Variants in SLC38A6 observed in about 807,000 individuals in gnomAD.
SLC38A6 encodes N system amino acid transporter NAT-1.
Under a neutral mutation model 65.0 loss-of-function variants are expected in SLC38A6, and 73 were observed. That is an observed-to-expected ratio of 1.12 (90% confidence interval 0.93 to 1.37). The LOEUF (loss-of-function observed/expected upper bound fraction) is 1.37. Ranked by LOEUF, SLC38A6 falls within the 40% of genes most tolerant of loss-of-function variation. The pLI, the probability that SLC38A6 is intolerant of heterozygous loss-of-function variation, is 0.00. For synonymous variants in SLC38A6, 183 were observed against 178.8 expected (o/e 1.02, Z -0.19); for missense variants, 561 against 531.1 (o/e 1.06, Z -0.55).
At chr14:60,989,241 A>G (rs72723914) in intron 3 of SLC38A6, among the ~76,000 whole-genome samples, 32,514 of 152,076 alleles carry the variant, frequency 0.21, 4,332 homozygotes, top group Middle Eastern at 0.3. Flanking sequence ...AACTTGTGCT[A>G]TGATCCCACC....
chr14:61,046,716 A>G (rs1023628743), intron 12 of SLC38A6, among the ~76,000 whole-genome samples: 3 of 152,200 alleles, frequency 2.0e-5, no homozygotes, highest in Admixed American at 1.3e-4. Context: ...TTTTAAATTT[A>G]TGCAACAAAA....
chr14:61,069,910 T>TAG (rs376908975), intron 15 of SLC38A6, among the ~76,000 whole-genome samples: 43 of 150,258 alleles, frequency 2.9e-4, no homozygotes, highest in African/African-American at 9.5e-4. Flanking sequence ...ATGCCTCTCT[T>TAG]AGAGAGAGAG....
At chr14:61,008,833 G>C (rs2039341433) in intron 3 of SLC38A6, among the ~76,000 whole-genome samples, 1 of 152,136 alleles carries the variant, frequency 6.6e-6, no homozygotes, top group Non-Finnish European at 1.5e-5. Flanking sequence ...GAATATCTCT[G>C]AAAGTATCAT....
chr14:61,071,707 G>A (rs1000868288), intron 15 of SLC38A6, among the ~76,000 whole-genome samples: 3 of 150,930 alleles, frequency 2.0e-5, no homozygotes, highest in Non-Finnish European at 4.4e-5. Flanking sequence ...GAAAAAAGAA[G>A]ATATACTGAT....
intron 5 of SLC38A6, among the ~76,000 whole-genome samples, chr14:61,026,287 A>T (rs1049151722): frequency 1.3e-5 from 2 of 152,122 alleles, no homozygotes; most frequent in African/African-American, 4.8e-5. Context: ...GAGTGTTAAT[A>T]TTTCAAATAC....
intron 12 of SLC38A6, among the ~76,000 whole-genome samples, chr14:61,049,179 T>C (rs1433185838): frequency 6.6e-6 from 1 of 152,174 alleles, no homozygotes; most frequent in Non-Finnish European, 1.5e-5. Flanking sequence ...CATAATACAC[T>C]GTTCTTTGTA....
intron 10 of SLC38A6, among the ~76,000 whole-genome samples, chr14:61,044,708 G>A (rs2042027377): frequency 6.6e-6 from 1 of 152,096 alleles, no homozygotes; most frequent in Non-Finnish European, 1.5e-5. Flanking sequence ...GCTTTACTCT[G>A]ACTCTTAAGT....
At chr14:61,017,610 A>C (rs1359206560) in intron 4 of SLC38A6, among the ~76,000 whole-genome samples, 2 of 152,236 alleles carry the variant, frequency 1.3e-5, no homozygotes, top group Non-Finnish European at 2.9e-5. Flanking sequence ...CATAACCTAT[A>C]AACATAACTC....
At chr14:61,062,061 A>T (rs1054547237) in intron 15 of SLC38A6, among the ~76,000 whole-genome samples, 2 of 151,804 alleles carry the variant, frequency 1.3e-5, no homozygotes, top group Non-Finnish European at 2.9e-5. Context: ...CTGGTCTTGT[A>T]CTCCTGACCT....
At position 61,046,184 on chromosome 14, in the gene SLC38A6, A is replaced by G. The variant is rs1260526442; in HGVS notation, c.925+17A>G. On this transcript the variant is annotated intron_variant, in intron 12 of 15. Coordinates refer to ENST00000267488, the MANE Select transcript of SLC38A6 (RefSeq NM_153811.3). ...CTTTTTATGGTAAGTACATTTTAAA[A>G]TTATAGATGACAAAATAATAGTTAC... 6 of 1,479,622 alleles carry G rather than the reference A, an allele frequency of 4.1e-6. No individual in the cohort carries two copies. Among genetic ancestry groups the G allele is most frequent in the Non-Finnish European group, 5.6e-6 (6 of 1,064,062 alleles). 91.7% of individuals were successfully genotyped at this position (1,479,622 alleles called of 1,614,324 possible).
intron 3 of SLC38A6, among the ~76,000 whole-genome samples, chr14:61,003,428 G>C (rs1047185072): frequency 6.6e-6 from 1 of 152,020 alleles, no homozygotes; most frequent in African/African-American, 2.4e-5. Context: ...TGTTTTTCCA[G>C]TTGAAACAAT....
rs2139451065 is a variant in SLC38A6 at position 61,008,978 on chromosome 14, A to G, written c.311-6926A>G. Among the ~76,000 whole-genome samples, 4 of 152,318 alleles carry G rather than the reference A, an allele frequency of 2.6e-5. No homozygotes were observed. In the South Asian group the frequency reaches 8.3e-4, roughly 32 times the overall value. On this transcript the variant is annotated intron_variant, in intron 3 of 15. Transcript: ENST00000267488. ...CTTGAGTAATTGTTCCATTTGAATT[A>G]ATCCAGCATGGGTAGTTGTTAGACA... is the stretch of plus-strand genomic sequence containing the variant.
intron 8 of SLC38A6, among the ~76,000 whole-genome samples, chr14:61,039,787 A>G (rs1214193216): frequency 1.3e-5 from 2 of 152,058 alleles, no homozygotes; most frequent in Non-Finnish European, 2.9e-5. Flanking sequence ...TTCATTTATT[A>G]TTCTTGTCAA....
intron 16 of SLC38A6, among the ~76,000 whole-genome samples, chr14:61,083,360 G>A (rs796272630): frequency 5.3e-5 from 8 of 152,316 alleles, no homozygotes; most frequent in African/African-American, 1.7e-4. Context: ...CAGTCATAGG[G>A]TGGTAGCCCC....
At chr14:61,061,236 A>G (rs900537576) in intron 15 of SLC38A6, among the ~76,000 whole-genome samples, 3 of 152,194 alleles carry the variant, frequency 2.0e-5, no homozygotes, top group South Asian at 2.1e-4. Flanking sequence ...GTGATGAATC[A>G]CATTTATTGA....
intron 7 of SLC38A6, 36 bp from the exon 8 acceptor site, chr14:61,037,589 T>G (rs1441044359): frequency 7.5e-6 from 11 of 1,464,952 alleles, no homozygotes; most frequent in Non-Finnish European, 1.0e-5. Context: ...ATCGCTTTCC[T>G]TATAAATTGC....
intron 3 of SLC38A6, among the ~76,000 whole-genome samples, chr14:60,991,586 G>A (rs1161338034): frequency 1.3e-5 from 2 of 152,156 alleles, no homozygotes; most frequent in East Asian, 1.9e-4. Flanking sequence ...GTGCTGGGTA[G>A]TCTCCTGCTT....
chr14:61,066,955 C>T (rs1165107391), intron 15 of SLC38A6, among the ~76,000 whole-genome samples: 1 of 151,882 alleles, frequency 6.6e-6, no homozygotes. Flanking sequence ...TTGAGCTAGT[C>T]CCAAGGTCAT....
intron 3 of SLC38A6, chr14:60,987,442 G>C (rs368872342): frequency 7.9e-5 from 12 of 152,774 alleles, no homozygotes; most frequent in Admixed American, 5.2e-4. Context: ...AGCGTTTGGG[G>C]TCTATCAGGA....
Sources: gnomAD v4.1 joint callset for allele counts (sites outside exome capture counted in the v4.1 genomes callset) on GRCh38, gnomAD v4.1.1 for gene constraint, MANE v1.5 for transcripts, NCBI Gene and HGNC (gene_info 2026-07-23, HGNC 2026-07-21) for gene names.